The following TLN2 variants were observed in gnomAD, a reference collection of about 807,000 sequenced individuals.
TLN2 encodes talin 2.
In TLN2, 118 loss-of-function variants were observed where a neutral mutation model predicts 294.7. That is an observed-to-expected ratio of 0.40 (90% CI 0.34 to 0.47). The LOEUF (loss-of-function observed/expected upper bound fraction) is 0.47. Among genes scored for constraint, TLN2 ranks in the 20% least tolerant of loss-of-function variants. TLN2 has a pLI of 0.84. For synonymous variants in TLN2, 1,431 were observed against 1,304.5 expected, an observed-to-expected ratio of 1.10 and a Z score of -2.09; for missense variants, 3,083 against 3,282.2, an observed-to-expected ratio of 0.94 and a Z score of 1.48.
At chr15:62,469,480 G>C (rs1405584369) in intron 1 of TLN2, among the ~76,000 whole-genome samples, 1 of 152,208 alleles carries the variant, frequency 6.6e-6, no homozygotes, top group Admixed American at 6.5e-5. Flanking sequence ...GAAGTCCCAA[G>C]CTTTTTTAAA....
chr15:62,490,087 C>G (rs1448952625), intron 1 of TLN2, among the ~76,000 whole-genome samples: 4 of 152,308 alleles, frequency 2.6e-5, no homozygotes, highest in African/African-American at 9.6e-5. Context: ...GACCTTAGAT[C>G]TTCAGCAGTG....
chr15:62,458,767 T>C (rs537141836), intron 1 of TLN2, among the ~76,000 whole-genome samples: 4 of 151,966 alleles, frequency 2.6e-5, no homozygotes, highest in Non-Finnish European at 4.4e-5. Flanking sequence ...AGACTCTGTC[T>C]CAAAAAGAAA....
chr15:62,684,587 C>T (rs552928732), intron 11 of TLN2, among the ~76,000 whole-genome samples: 19 of 152,196 alleles, frequency 1.2e-4, no homozygotes, highest in Admixed American at 3.3e-4. Flanking sequence ...TGGGGGTGTG[C>T]GGTGACTGTC....
chr15:62,568,984 G>A (rs1255495628), intron 1 of TLN2, among the ~76,000 whole-genome samples: 1 of 152,150 alleles, frequency 6.6e-6, no homozygotes, highest in African/African-American at 2.4e-5. Context: ...CCAAATCAGG[G>A]TGTCTGTCGG....
chr15:62,815,201 A>T (rs980895090), intron 52 of TLN2, among the ~76,000 whole-genome samples: 87 of 150,204 alleles, frequency 5.8e-4, no homozygotes, highest in East Asian at 5.7e-3. Context: ...ACACACACAC[A>T]CACACACACA....
At chr15:62,614,557 C>T (rs547426900) in intron 2 of TLN2, among the ~76,000 whole-genome samples, 2 of 152,150 alleles carry the variant, frequency 1.3e-5, no homozygotes, top group Non-Finnish European at 1.5e-5. Flanking sequence ...CCTCTCTGCT[C>T]GAAAGAACAT....
At chr15:62,486,079 C>A (rs561336386) in intron 1 of TLN2, among the ~76,000 whole-genome samples, 1 of 152,134 alleles carries the variant, frequency 6.6e-6, no homozygotes, top group Non-Finnish European at 1.5e-5. Flanking sequence ...AAACATTTTG[C>A]CATACTTATC....
chr15:62,703,034 T>G (rs1368789154), intron 19 of TLN2, among the ~76,000 whole-genome samples, 170 bp downstream of exon 19: 1 of 152,192 alleles, frequency 6.6e-6, no homozygotes, highest in Non-Finnish European at 1.5e-5. Context: ...AAAAAGATTT[T>G]TTTTAATAGG....
chr15:62,579,537 TTTGA>T (rs1265071349), intron 1 of TLN2, among the ~76,000 whole-genome samples: 1 of 152,188 alleles, frequency 6.6e-6, no homozygotes, highest in Non-Finnish European at 1.5e-5. Context: ...CACAGTACAC[TTTGA>T]TTGTTTCTTC....
At chr15:62,671,772 A>T (rs2055461485) in intron 9 of TLN2, among the ~76,000 whole-genome samples, 1 of 152,206 alleles carries the variant, frequency 6.6e-6, no homozygotes, top group South Asian at 2.1e-4. Context: ...ATTTTTGAAG[A>T]AACTAAGTTA....
At chr15:62,750,360 A>C (rs377387090) in intron 33 of TLN2, 42 bp from the exon 34 acceptor site, 4 of 1,549,552 alleles carry the variant, frequency 2.6e-6, no homozygotes, top group Non-Finnish European at 3.6e-6. Context: ...CTTTTGCTCT[A>C]TGACATTTGC....
At chr15:62,673,310 C>CTTTTTTTTTTGTTTTTTTTTTTTT (rs2055688847) in intron 9 of TLN2, among the ~76,000 whole-genome samples, 1 of 42,856 alleles carries the variant, frequency 2.3e-5, no homozygotes, top group Non-Finnish European at 4.3e-5. Flanking sequence ...TTAGATGTTG[C>CTTTTTTTTTTGTTTTTTTTTTTTT]TTTTTTTTTT....
chr15:62,493,596 C>T (rs1432968043), intron 1 of TLN2, among the ~76,000 whole-genome samples: 1 of 151,782 alleles, frequency 6.6e-6, no homozygotes, highest in Non-Finnish European at 1.5e-5. Flanking sequence ...TGGCCCAACA[C>T]CATGGAGGTT....
At chr15:62,667,155 A>G (rs1380020907) in intron 9 of TLN2, among the ~76,000 whole-genome samples, 6 of 151,922 alleles carry the variant, frequency 3.9e-5, no homozygotes, top group East Asian at 1.9e-4. Flanking sequence ...TTTAGTAGAG[A>G]CGGGGTTTCA....
At chr15:62,461,025 T>C (rs924501623) in intron 1 of TLN2, among the ~76,000 whole-genome samples, 3 of 152,156 alleles carry the variant, frequency 2.0e-5, no homozygotes, top group Non-Finnish European at 4.4e-5. Flanking sequence ...CTCAGCTCAC[T>C]GCAACCTCTG....
At chr15:62,688,370 C>T (rs780429481) in intron 12 of TLN2, among the ~76,000 whole-genome samples, 2 of 152,096 alleles carry the variant, frequency 1.3e-5, no homozygotes, top group Non-Finnish European at 2.9e-5. Flanking sequence ...AGAGAACATA[C>T]TCTGTATGAT....
chr15:62,552,953 C>G (rs1005136938), intron 1 of TLN2, among the ~76,000 whole-genome samples: 1 of 152,142 alleles, frequency 6.6e-6, no homozygotes, highest in Non-Finnish European at 1.5e-5. Context: ...GTTTATTTTT[C>G]TAGCCTGTAT....
chr15:62,775,641 T>C (rs1438702791), intron 42 of TLN2, among the ~76,000 whole-genome samples: 3 of 152,356 alleles, frequency 2.0e-5, no homozygotes, highest in East Asian at 1.9e-4. Flanking sequence ...CTCTTGTATT[T>C]AGAAAATCAC....
At chr15:62,485,303 G>A (rs151113802) in intron 1 of TLN2, among the ~76,000 whole-genome samples, 70 of 152,340 alleles carry the variant, frequency 4.6e-4, no homozygotes, top group African/African-American at 1.6e-3. Flanking sequence ...CCATAGTTCT[G>A]GCTGCCACAA....
Sources: gnomAD v4.1 joint callset for allele counts (sites outside exome capture counted in the v4.1 genomes callset) on GRCh38, gnomAD v4.1.1 for gene constraint, MANE v1.5 for transcripts, NCBI Gene and HGNC (gene_info 2026-07-23, HGNC 2026-07-21) for gene names.